PHACTR3: variants seen among roughly 807,000 people sequenced by gnomAD.
The protein encoded by PHACTR3 is phosphatase and actin regulator 3, also known as protein phosphatase 1, regulatory subunit 123.
A neutral mutation model predicts 66.8 loss-of-function variants in PHACTR3; 16 were observed. The ratio of observed to expected loss-of-function variants is 0.24; its 90% CI spans 0.16 to 0.36. The LOEUF is 0.36. Ranked by LOEUF, PHACTR3 falls within the 10% of genes least tolerant of loss-of-function variation. The probability of loss-of-function intolerance (pLI) is 1.00; values close to 1 mark genes in which losing one functional copy is unlikely to be tolerated. For missense variants in PHACTR3, 647 were observed against 719.9 expected, an observed-to-expected ratio of 0.90 and a Z score of 1.16; for synonymous variants, 323 against 292.1, an observed-to-expected ratio of 1.11 and a Z score of -1.08.
At chr20:59,805,142 G>T (rs6092827) in intron 7 of PHACTR3, among the ~76,000 whole-genome samples, 4,170 of 152,266 alleles carry the variant, frequency 0.027, 126 homozygotes, top group African/African-American at 0.071. Context: ...GTGCACTAAG[G>T]AATGACACTC....
intron 1 of PHACTR3, among the ~76,000 whole-genome samples, chr20:59,617,474 A>C (rs1169644962): frequency 6.6e-6 from 1 of 152,212 alleles, no homozygotes; most frequent in African/African-American, 2.4e-5. Context: ...AAAATTAACT[A>C]ATAACAATTT....
chr20:59,680,169 G>GA (rs1228152850), intron 1 of PHACTR3, among the ~76,000 whole-genome samples: 1 of 152,072 alleles, frequency 6.6e-6, no homozygotes, highest in African/African-American at 2.4e-5. Context: ...TCCGTGTGGG[G>GA]ATGTGTTGTG....
At chr20:59,674,951 TC>T (rs1450601879) in intron 1 of PHACTR3, among the ~76,000 whole-genome samples, 1 of 23,082 alleles carries the variant, frequency 4.3e-5, no homozygotes, top group African/African-American at 2.5e-4. Flanking sequence ...CTCCTGTTCC[TC>T]CCCCTTCTCC....
At chr20:59,795,937 A>T (rs2426838) in intron 7 of PHACTR3, among the ~76,000 whole-genome samples, 14 of 152,084 alleles carry the variant, frequency 9.2e-5, no homozygotes, top group Non-Finnish European at 2.9e-5. Flanking sequence ...TCTCTATTTT[A>T]GCTGGAGACT....
intron 1 of PHACTR3, among the ~76,000 whole-genome samples, chr20:59,718,351 C>T (rs941761304): frequency 6.6e-6 from 1 of 152,152 alleles, no homozygotes; most frequent in Non-Finnish European, 1.5e-5. Flanking sequence ...TCCATCTGGT[C>T]CTGTTGGGGA....
intron 1 of PHACTR3, among the ~76,000 whole-genome samples, chr20:59,614,434 G>A (rs2146351025): frequency 6.6e-6 from 1 of 152,316 alleles, no homozygotes; most frequent in Admixed American, 6.5e-5. Context: ...TCTTTAATGG[G>A]CTGGGACTCG....
Position 59,767,381 on chromosome 20 carries a change from C to CA in PHACTR3, c.743dup (p.Asn248LysfsTer48). ...CCACCCAAGGCAAGCTCCAAAACCA[C>CA]AAAAAATGTCACAGGTGGGTCCACA... On this transcript the variant is annotated frameshift_variant, in exon 5 of 13. Coordinates refer to ENST00000371015, the MANE Select transcript of PHACTR3 (RefSeq NM_080672.5). LOFTEE classifies it high-confidence loss of function. 1 of 1,613,694 alleles carries CA rather than the reference C, an allele frequency of 6.2e-7. No individual in the cohort carries two copies. Among genetic ancestry groups the CA allele is most frequent in the Non-Finnish European group, 8.5e-7 (1 of 1,179,998 alleles).
intron 7 of PHACTR3, among the ~76,000 whole-genome samples, chr20:59,793,038 C>T (rs1413736684): frequency 7.9e-6 from 1 of 127,356 alleles, no homozygotes; most frequent in Non-Finnish European, 1.6e-5. Flanking sequence ...ACATGTACCA[C>T]CACACCCAGT....
At chr20:59,771,999 C>T (rs1365476578) in intron 5 of PHACTR3, among the ~76,000 whole-genome samples, 1 of 152,218 alleles carries the variant, frequency 6.6e-6, no homozygotes, top group African/African-American at 2.4e-5. Context: ...GTGCTGAACA[C>T]CTAAGAGCTT....
intron 12 of PHACTR3, 131 bp from the exon 13 acceptor site, chr20:59,846,984 C>T (rs1331035853): frequency 8.1e-6 from 5 of 614,474 alleles, no homozygotes; most frequent in African/African-American, 3.6e-5. Context: ...GTAGCTCCAT[C>T]CTCATGTTTT....
intron 7 of PHACTR3, among the ~76,000 whole-genome samples, chr20:59,804,585 G>A (rs549949760): frequency 6.6e-6 from 1 of 152,152 alleles, no homozygotes; most frequent in South Asian, 2.1e-4. Flanking sequence ...ATGCAGTAAA[G>A]GCCAACTGAA....
At chr20:59,733,785 G>C (rs1024436920) in intron 1 of PHACTR3, among the ~76,000 whole-genome samples, 2 of 152,086 alleles carry the variant, frequency 1.3e-5, no homozygotes, top group Admixed American at 6.5e-5. Context: ...CGCTTGCTAG[G>C]GTCTTGATGG....
At chr20:59,657,623 T>A (rs2146466657) in intron 1 of PHACTR3, among the ~76,000 whole-genome samples, 1 of 152,292 alleles carries the variant, frequency 6.6e-6, no homozygotes, top group Non-Finnish European at 1.5e-5. Context: ...TTGAATATAT[T>A]TCATCCCACT....
intron 7 of PHACTR3, among the ~76,000 whole-genome samples, chr20:59,783,686 G>T (rs918796817): frequency 6.6e-6 from 1 of 152,192 alleles, no homozygotes; most frequent in African/African-American, 2.4e-5. Flanking sequence ...CGTCCAATGC[G>T]TAAGCACATC....
chr20:59,618,144 T>C (rs1173904480), intron 1 of PHACTR3, among the ~76,000 whole-genome samples: 1 of 152,126 alleles, frequency 6.6e-6, no homozygotes, highest in Non-Finnish European at 1.5e-5. Context: ...GGCCGAGAGA[T>C]TGGCAGTGCA....
At chr20:59,753,013 G>A (rs993887137) in intron 3 of PHACTR3, among the ~76,000 whole-genome samples, 1 of 152,196 alleles carries the variant, frequency 6.6e-6, no homozygotes, top group African/African-American at 2.4e-5. Flanking sequence ...CTCTAATTTT[G>A]TCTACTCGGT....
chr20:59,765,618 G>T (rs1459869906), intron 4 of PHACTR3, among the ~76,000 whole-genome samples: 1 of 152,224 alleles, frequency 6.6e-6, no homozygotes, highest in African/African-American at 2.4e-5. Flanking sequence ...ATAAAGGAAC[G>T]GAAACTAATG....
chr20:59,627,487 G>A (rs567876566), intron 1 of PHACTR3, among the ~76,000 whole-genome samples: 19 of 152,340 alleles, frequency 1.2e-4, no homozygotes, highest in Admixed American at 2.6e-4. Context: ...AGGTTCTGGC[G>A]GCAATGGGGA....
chr20:59,638,935 A>G (rs2034999789), intron 1 of PHACTR3, among the ~76,000 whole-genome samples: 1 of 136,270 alleles, frequency 7.3e-6, no homozygotes, highest in East Asian at 2.4e-4. Context: ...AGGAGGATGG[A>G]TTGGAGAATG....
Sources: gnomAD v4.1 joint callset for allele counts (sites outside exome capture counted in the v4.1 genomes callset) on GRCh38, gnomAD v4.1.1 for gene constraint, MANE v1.5 for transcripts, NCBI Gene and HGNC (gene_info 2026-07-23, HGNC 2026-07-21) for gene names.